LRRK2: variants seen among roughly 807,000 people sequenced by gnomAD.
LRRK2 encodes the protein leucine rich repeat kinase 2.
LRRK2 carries 203 observed loss-of-function variants against 302.6 expected under a neutral mutation model. That is an observed-to-expected ratio of 0.67 (90% confidence interval 0.60 to 0.75). The LOEUF (loss-of-function observed/expected upper bound fraction) is 0.75, where lower values mean the gene tolerates loss of function less well. Among genes scored for constraint, LRRK2 ranks in the 30% least tolerant of loss-of-function variants. The pLI, the probability that LRRK2 is intolerant of heterozygous loss-of-function variation, is 0.00. For synonymous variants in LRRK2, 1,066 were observed against 1,031.9 expected, an observed-to-expected ratio of 1.03 and a Z score of -0.63; for missense variants, 2,830 against 2,951.0, an observed-to-expected ratio of 0.96 and a Z score of 0.95.
chr12:40,298,167 T>TAAGGCAGAGTAACTAGTA, intron 23 of LRRK2, 76 bp from the exon 24 acceptor site: 1 of 1,475,652 alleles, frequency 6.8e-7, no homozygotes, highest in Non-Finnish European at 9.4e-7. Flanking sequence ...ACCAGAGGTG[T>TAAGGCAGAGTAACTAGTA]GTAAGGCAGA....
chr12:40,363,994 G>T (rs903409069), intron 48 of LRRK2, among the ~76,000 whole-genome samples: 5 of 151,900 alleles, frequency 3.3e-5, no homozygotes, highest in African/African-American at 1.2e-4. Context: ...TAAGGAGTGG[G>T]GATCAAGACC....
intron 37 of LRRK2, 108 bp from the exon 38 acceptor site, chr12:40,323,052 G>T: frequency 1.1e-6 from 1 of 901,804 alleles, no homozygotes; most frequent in Non-Finnish European, 1.8e-6. Flanking sequence ...GAAAGGGAGG[G>T]ATTAGAAATT....
In LRRK2 at chr12:40,259,980, T is replaced by C. The variant is rs549489796; in HGVS notation, c.1543+376T>C. Among the ~76,000 whole-genome samples the C allele has an allele frequency of 7.9e-5, 12 of 152,274 alleles. No homozygotes were observed. The South Asian group carries it at 1.9e-3, about 24-fold the overall frequency. On this transcript the variant is annotated intron_variant, in intron 13 of 50. Transcript: ENST00000298910. The stretch of plus-strand genomic sequence containing the variant: ...TAATTTTCATACCTGTTCTCTTCCT[T>C]CATTTCTATCCTTTTCTTACTCTAT...
intron 41 of LRRK2, among the ~76,000 whole-genome samples, chr12:40,340,696 G>A (rs777415351): frequency 4.6e-5 from 7 of 152,188 alleles, no homozygotes; most frequent in Admixed American, 6.5e-5. Flanking sequence ...TTGATATCAA[G>A]TTATATGTTT....
intron 35 of LRRK2, among the ~76,000 whole-genome samples, 160 bp from the exon 36 acceptor site, chr12:40,321,875 T>C (rs1434821211): frequency 6.6e-6 from 1 of 152,090 alleles, no homozygotes; most frequent in Non-Finnish European, 1.5e-5. Flanking sequence ...AAGTTGTGGA[T>C]AAAATATTTA....
intron 5 of LRRK2, 145 bp downstream of exon 5, chr12:40,238,248 A>G (rs1209382130): frequency 3.4e-5 from 27 of 799,996 alleles, no homozygotes; most frequent in Admixed American, 1.1e-4. Context: ...AAGGGTGAGG[A>G]ATGGGGTTAA....
rs148756393 is a variant in LRRK2, at chr12:40,314,580, T to C, written c.4738+407T>C. 1.2e-4 allele frequency among the ~76,000 whole-genome samples: 18 copies of C among 152,170 alleles called. No homozygotes were observed. In the East Asian group the frequency reaches 3.5e-3, roughly 29 times the overall value. On this transcript the variant is annotated intron_variant, in intron 32 of 50. Coordinates refer to ENST00000298910, the MANE Select transcript of LRRK2 (RefSeq NM_198578.4). ...TGTTGGCATGGTCTAACTGGGACGCTTGGAGAGTCAATGGCTCCCTGAGAT... is the reference window on the plus strand; with the variant it reads ...TGTTGGCATGGTCTAACTGGGACGCCTGGAGAGTCAATGGCTCCCTGAGAT...
chr12:40,367,093 A>T lies in LRRK2; in HGVS notation c.7462+16A>T. ...AAGCAGAAAGGTAACATTTAGAAGG[A>T]TACTGTTTTCCAAACAGGGCAATGA... On this transcript the variant is annotated intron_variant, in intron 50 of 50. Coordinates refer to ENST00000298910, the MANE Select transcript of LRRK2 (RefSeq NM_198578.4). 1 of 1,594,942 alleles carries T rather than the reference A, an allele frequency of 6.3e-7. No individual in the cohort carries two copies. Among genetic ancestry groups the T allele is most frequent in the Non-Finnish European group, 8.6e-7 (1 of 1,163,910 alleles).
At chr12:40,355,592 G>C (rs2137012544) in intron 45 of LRRK2, among the ~76,000 whole-genome samples, 1 of 137,800 alleles carries the variant, frequency 7.3e-6, no homozygotes, top group African/African-American at 2.7e-5. Flanking sequence ...GCCCAAGCTG[G>C]AGTGCAATGG....
chr12:40,238,723 C>A (rs1941584575), intron 5 of LRRK2, among the ~76,000 whole-genome samples: 1 of 152,082 alleles, frequency 6.6e-6, no homozygotes, highest in Admixed American at 6.6e-5. Flanking sequence ...CCTTTTGTAT[C>A]ATTATGAGAG....
At chr12:40,238,586 T>C (rs552155457) in intron 5 of LRRK2, among the ~76,000 whole-genome samples, 16 of 152,278 alleles carry the variant, frequency 1.1e-4, no homozygotes, top group Middle Eastern at 3.4e-3. Context: ...TTAGAGTTGG[T>C]TGGAGTCCTT....
At chr12:40,324,853 C>T (rs73275742) in intron 38 of LRRK2, among the ~76,000 whole-genome samples, 226 of 152,312 alleles carry the variant, frequency 1.5e-3, no homozygotes, top group African/African-American at 5.4e-3. Context: ...AGGAAAGTAC[C>T]AGACATGGTG....
chr12:40,358,391 G>A (rs1274180367), intron 46 of LRRK2, among the ~76,000 whole-genome samples: 1 of 152,070 alleles, frequency 6.6e-6, no homozygotes, highest in Non-Finnish European at 1.5e-5. Context: ...AATCCATCTT[G>A]AGTTGAATTT....
In LRRK2 at chr12:40,274,981, A is replaced by C. The variant is rs774369952; in HGVS notation, c.1929A>C (p.Glu643Asp). The C allele has an allele frequency of 1.2e-6, 2 of 1,613,842 alleles. No homozygotes were observed. Among genetic ancestry groups the C allele is most frequent in the East Asian group, 4.5e-5 (2 of 44,842 alleles). The change falls in exon 16 of 51, where the codon GAA becomes GAC. Residue 643 changes from glutamate (E) to aspartate (D), a missense_variant. Physicochemically the swap from Glu to Asp is conservative, Grantham distance 45. This residue lies in a region of LRRK2 where 2,121 missense variants were observed against 2,148.0 expected (regional missense o/e 0.99). Coordinates refer to ENST00000298910, the MANE Select transcript of LRRK2 (RefSeq NM_198578.4). ...SSLYRFKDVAEIQTKGFQTIL... is the reference protein window; with the variant it reads ...SSLYRFKDVADIQTKGFQTIL... ...TATACCGATTTAAGGATGTTGCTGA[A>C]ATACAGACTAAAGTATGTGCATTAT...
At chr12:40,301,208 A>G in intron 25 of LRRK2, 1 of 418,930 alleles carries the variant, frequency 2.4e-6, no homozygotes, top group South Asian at 1.7e-5. Context: ...TCTGAGCAGG[A>G]CCACTAACCA....
rs750206201 is a variant in LRRK2 at position 40,298,272 on chromosome 12, G to C, written c.3126G>C (p.Leu1042Phe). 1 of 1,613,504 alleles carries C rather than the reference G, an allele frequency of 6.2e-7. No individual in the cohort carries two copies. Residue 1042 changes from leucine (L) to phenylalanine (F), a missense_variant, in exon 24 of 51, where the codon TTG becomes TTC. By Grantham distance (22) the Leu-to-Phe change is conservative (BLOSUM62 0). Around this residue, in one of 3 missense-constraint regions of LRRK2, gnomAD observed 2,121 missense variants for 2,148.0 expected, o/e 0.99. Coordinates refer to ENST00000298910, the MANE Select transcript of LRRK2 (RefSeq NM_198578.4). The stretch of plus-strand genomic sequence containing the variant: ...TGAAGAGTTTGACACATTTGGACTT[G>C]CACAGTAATAAATTTACATCATTTC... ...ETLKSLTHLD[L>F]HSNKFTSFPS...
At chr12:40,324,761 G>A (rs1945496727) in intron 38 of LRRK2, among the ~76,000 whole-genome samples, 1 of 152,184 alleles carries the variant, frequency 6.6e-6, no homozygotes, top group Non-Finnish European at 1.5e-5. Context: ...GGAAGTTAAT[G>A]TATTAGTAAT....
chr12:40,293,560 T>G lies in LRRK2; in HGVS notation c.2705T>G (p.Phe902Cys). Reference protein sequence around the residue: ...DLDSEGSEGSFLVKKKSNSIS... With the variant: ...DLDSEGSEGSCLVKKKSNSIS... ...TTCAAAATAGGAAGTGAAGGCTCAT[T>G]TCTTGTGAAAAAGAAATCTAATTCA... Residue 902 changes from phenylalanine (F) to cysteine (C), a missense_variant, in exon 21 of 51, where the codon TTT becomes TGT. Phe to Cys is a radical substitution (Grantham distance 205). Around this residue, in one of 3 missense-constraint regions of LRRK2, gnomAD observed 2,121 missense variants for 2,148.0 expected, o/e 0.99. Transcript: ENST00000298910. 1 of 1,606,336 alleles carries G rather than the reference T, an allele frequency of 6.2e-7. No homozygotes were observed. The highest frequency in any genetic ancestry group is 1.3e-5 in the African/African-American group (1 of 74,866).
chr12:40,225,765 CTG>C (rs753309547), intron 2 of LRRK2, 125 bp downstream of exon 2: 142 of 779,184 alleles, frequency 1.8e-4, no homozygotes, highest in Middle Eastern at 4.5e-4. Context: ...GAACCTCTGA[CTG>C]TGATTTTAAG....
Sources: gnomAD v4.1 joint callset for allele counts (sites outside exome capture counted in the v4.1 genomes callset) on GRCh38, gnomAD v4.1.1 for gene constraint, gnomAD v4.1.1 regional missense constraint, MANE v1.5 for transcripts, NCBI Gene and HGNC (gene_info 2026-07-23, HGNC 2026-07-21) for gene names.